MARCHF1: variants seen among roughly 807,000 people sequenced by gnomAD.
MARCHF1 encodes the protein membrane associated ring-CH-type finger 1.
Under a neutral mutation model 54.2 loss-of-function variants are expected in MARCHF1, and 40 were observed. The observed-to-expected ratio is 0.74, with a 90% CI of 0.57 to 0.96. The LOEUF is 0.96. MARCHF1 is among the 40% of genes least tolerant of loss of function. The pLI is 0.00. For synonymous variants in MARCHF1, 236 were observed against 236.3 expected, an observed-to-expected ratio of 1.00 and a Z score of 0.01; for missense variants, 586 against 656.5, an observed-to-expected ratio of 0.89 and a Z score of 1.17.
chr4:163,926,041 A>G (rs1042975624), intron 3 of MARCHF1, among the ~76,000 whole-genome samples: 5 of 149,102 alleles, frequency 3.4e-5, no homozygotes, highest in Non-Finnish European at 7.4e-5. Context: ...ATACTTTTAA[A>G]TTAAGGTATT....
intron 3 of MARCHF1, among the ~76,000 whole-genome samples, chr4:163,981,946 A>C (rs180972374): frequency 5.3e-5 from 8 of 152,302 alleles, no homozygotes; most frequent in Admixed American, 5.2e-4. Flanking sequence ...TGCCTAATTG[A>C]GGCCACAATT....
intron 1 of MARCHF1, among the ~76,000 whole-genome samples, chr4:164,141,714 T>G (rs1051244417): frequency 6.6e-6 from 1 of 152,204 alleles, no homozygotes; most frequent in African/African-American, 2.4e-5. Flanking sequence ...GAAATAACTG[T>G]TGAAAATCAC....
At chr4:164,260,097 A>G (rs1008876209) in intron 1 of MARCHF1, among the ~76,000 whole-genome samples, 4 of 152,146 alleles carry the variant, frequency 2.6e-5, no homozygotes, top group African/African-American at 9.7e-5. Flanking sequence ...GTGGAGATAA[A>G]TAATTTTCTT....
chr4:163,854,190 C>T (rs1749709645), intron 3 of MARCHF1, 21 bp from the exon 4 acceptor site: 1 of 1,468,872 alleles, frequency 6.8e-7, no homozygotes, highest in African/African-American at 1.4e-5. Flanking sequence ...TTTACATTCC[C>T]TGAAACAGGT....
chr4:163,848,503 C>G (rs1302443186), intron 4 of MARCHF1, among the ~76,000 whole-genome samples: 3 of 152,068 alleles, frequency 2.0e-5, no homozygotes, highest in African/African-American at 7.2e-5. Flanking sequence ...AACTCTAATC[C>G]TCATAAAATC....
chr4:164,212,704 T>C (rs144576977), intron 1 of MARCHF1, among the ~76,000 whole-genome samples: 63 of 152,324 alleles, frequency 4.1e-4, no homozygotes, highest in Non-Finnish European at 8.1e-4. Context: ...CAGTCTTATG[T>C]ATCCATGGGT....
At position 164,353,930 on chromosome 4, in the gene MARCHF1, T is replaced by A. The variant is rs1293790929; in HGVS notation, c.-323+29940A>T. Among the ~76,000 whole-genome samples the A allele has an allele frequency of 2.7e-5, 3 of 110,240 alleles. No individual in the cohort carries two copies. The Admixed American group carries it at 2.8e-4, about 10-fold the overall frequency. The allele number at this position is 110,240 out of a possible 152,430, so 72.3% of individuals were successfully genotyped here. A position where few individuals can be genotyped will look rare whatever the true frequency, so the allele number is the denominator to read the frequency against. On this transcript the variant is annotated intron_variant, in intron 1 of 9. Coordinates refer to ENST00000514618, the MANE Select transcript of MARCHF1 (RefSeq NM_001394959.1). The stretch of plus-strand genomic sequence containing the variant: ...ACACAATAAAAAATGATAAAGGGGA[T>A]ATCACCACTGATCCCACAGAAATAC...
chr4:163,823,234 T>C (rs1748748589), intron 4 of MARCHF1, among the ~76,000 whole-genome samples: 1 of 151,776 alleles, frequency 6.6e-6, no homozygotes, highest in African/African-American at 2.4e-5. Flanking sequence ...CTTTTCCAGG[T>C]ATCTTGTATG....
intron 4 of MARCHF1, among the ~76,000 whole-genome samples, chr4:163,777,001 C>T (rs1234851034): frequency 3.9e-5 from 6 of 152,216 alleles, no homozygotes; most frequent in African/African-American, 1.2e-4. Context: ...TTTAATTCAA[C>T]TCTTTTGCAA....
chr4:163,691,772 C>A (rs920953025), intron 5 of MARCHF1, among the ~76,000 whole-genome samples: 11 of 152,136 alleles, frequency 7.2e-5, no homozygotes, highest in Admixed American at 2.6e-4. Context: ...GTGGTCCAAG[C>A]AGTCATCAAT....
intron 2 of MARCHF1, among the ~76,000 whole-genome samples, chr4:164,046,209 A>T (rs895637031): frequency 6.6e-6 from 1 of 152,256 alleles, no homozygotes; most frequent in Non-Finnish European, 1.5e-5. Flanking sequence ...AGAGGGACAC[A>T]TTATCTTTAC....
Position 163,700,863 on chromosome 4 carries a change from T to A in MARCHF1, c.112A>T (p.Asn38Tyr), listed in dbSNP as rs542072846. ...LADASQTSTL[N>Y]EKSPGRSASR... ...GCAGATCGCCCTGGGGATTTTTCAT[T>A]CTGAAAAATAAAATGGGAAACATTA... is the stretch of plus-strand genomic sequence containing the variant. Residue 38 changes from asparagine to tyrosine, a missense_variant and splice_region_variant, in exon 5 of 10, where the codon AAT becomes TAT. Coordinates refer to ENST00000514618, the MANE Select transcript of MARCHF1 (RefSeq NM_001394959.1). The A allele has an allele frequency of 5.2e-6, 8 of 1,534,114 alleles. No individual in the cohort carries two copies. Among genetic ancestry groups the A allele is most frequent in the Middle Eastern group, 1.7e-4 (1 of 5,974 alleles).
intron 8 of MARCHF1, among the ~76,000 whole-genome samples, chr4:163,547,173 T>G (rs1300674936): frequency 6.6e-6 from 1 of 152,194 alleles, no homozygotes; most frequent in Non-Finnish European, 1.5e-5. Context: ...GCCACCAGCT[T>G]TGAGACGTGG....
intron 3 of MARCHF1, among the ~76,000 whole-genome samples, chr4:163,876,885 G>T (rs4554022): frequency 0.25 from 38,004 of 151,870 alleles, 5,016 homozygotes; most frequent in Non-Finnish European, 0.29. Context: ...AAGAAATATT[G>T]GTAGTTGAGA....
rs1244854820 is a variant in MARCHF1 at position 163,975,180 on chromosome 4, TCTCTCTCTCTCTCTCTCACA to T, written c.-39+13301_-39+13320del. The stretch of plus-strand genomic sequence containing the variant: ...CATAATAAAGCTCTCTCTCTCTCTC[TCTCTCTCTCTCTCTCTCACA>T]CACACACACACACACACACACACAC... On this transcript the variant is annotated intron_variant, in intron 3 of 9. Coordinates refer to ENST00000514618, the MANE Select transcript of MARCHF1 (RefSeq NM_001394959.1). 6.3e-3 allele frequency among the ~76,000 whole-genome samples: 920 copies of T among 146,120 alleles called. 37 individuals carry two copies. In the East Asian group the frequency reaches 0.11, roughly 18 times the overall value.
chr4:164,354,661 T>A (rs1244139926), intron 1 of MARCHF1, among the ~76,000 whole-genome samples: 1 of 149,004 alleles, frequency 6.7e-6, no homozygotes, highest in Non-Finnish European at 1.5e-5. Flanking sequence ...AATATCATAC[T>A]GAATGGGCAA....
chr4:163,635,476 A>G (rs976060797), intron 5 of MARCHF1, among the ~76,000 whole-genome samples: 1 of 148,782 alleles, frequency 6.7e-6, no homozygotes, highest in Non-Finnish European at 1.5e-5. Flanking sequence ...CTCTACACAA[A>G]TAAACTAGAA....
intron 1 of MARCHF1, among the ~76,000 whole-genome samples, chr4:164,185,859 A>G (rs1730957036): frequency 6.6e-6 from 1 of 151,856 alleles, no homozygotes. Flanking sequence ...GCAAGAGTCT[A>G]TGATTTTATT....
chr4:164,187,777 T>C (rs527609329), intron 1 of MARCHF1, among the ~76,000 whole-genome samples: 2 of 152,312 alleles, frequency 1.3e-5, no homozygotes, highest in African/African-American at 2.4e-5. Context: ...CTAGTCACAA[T>C]TGTTTCATGT....
Sources: allele counts gnomAD v4.1 joint callset (sites outside exome capture counted in the v4.1 genomes callset), GRCh38; gene constraint gnomAD v4.1.1; transcripts MANE v1.5; gene names NCBI Gene and HGNC (gene_info 2026-07-23, HGNC 2026-07-21).